The following SLC24A5 variants were observed in gnomAD, a reference collection of about 807,000 sequenced individuals.
The protein encoded by SLC24A5 is sodium/potassium/calcium exchanger 5.
In SLC24A5, 46 loss-of-function variants were observed where a neutral mutation model predicts 51.6. That is an observed-to-expected ratio of 0.89 (90% CI 0.70 to 1.14). The LOEUF (loss-of-function observed/expected upper bound fraction) is 1.14, where lower values mean the gene tolerates loss of function less well. Ranked by LOEUF, SLC24A5 falls within the 50% of genes most tolerant of loss-of-function variation. The pLI is 0.00. For synonymous variants in SLC24A5, 230 were observed against 214.9 expected, an observed-to-expected ratio of 1.07 and a Z score of -0.62; for missense variants, 581 against 604.1, an observed-to-expected ratio of 0.96 and a Z score of 0.40.
intron 2 of SLC24A5, chr15:48,123,382 G>T (rs1287520419): frequency 6.6e-6 from 1 of 151,862 alleles, no homozygotes; most frequent in East Asian, 1.9e-4. Flanking sequence ...GTTACCATTT[G>T]GTATATTTCC....
At position 48,123,282 on chromosome 15, in the gene SLC24A5, G is replaced by T. The variant is rs540515540; in HGVS notation, c.301+1246G>T. On this transcript the variant is annotated intron_variant, in intron 2 of 8. Transcript: ENST00000341459. ...TATAATTGATATTTTCTTTAATAAA[G>T]ATTAAATTATTTAACAGTTTTACTT... 3 of 151,686 alleles carry T rather than the reference G, an allele frequency of 2.0e-5. No individual in the cohort carries two copies. In the South Asian group the frequency reaches 6.3e-4, roughly 32 times the overall value. The allele number at this position is 151,686 out of a possible 1,614,324, so 9.4% of individuals were successfully genotyped here.
In SLC24A5 at chr15:48,127,949, A is replaced by G. The variant is rs975797314; in HGVS notation, c.301+5913A>G. ...ATTGTTTAAAAAGTCACTTTTAAAT[A>G]TAATTTAAATTTAAATAATTTAAAT... On this transcript the variant is annotated intron_variant, in intron 2 of 8. Coordinates refer to ENST00000341459, the MANE Select transcript of SLC24A5 (RefSeq NM_205850.3). 8.6e-5 allele frequency among the ~76,000 whole-genome samples: 13 copies of G among 151,560 alleles called. No individual in the cohort carries two copies. The East Asian group carries it at 2.5e-3, about 29-fold the overall frequency.
intron 5 of SLC24A5, 123 bp from the exon 6 acceptor site, chr15:48,136,550 AAAATATCTAG>A (rs2038904849): frequency 3.5e-6 from 3 of 855,944 alleles, no homozygotes; most frequent in Non-Finnish European, 5.2e-6. Flanking sequence ...TACAAAACAA[AAAATATCTAG>A]AAATGTTTGA....
Position 48,142,291 on chromosome 15 carries a change from A to G in SLC24A5, c.1443A>G (p.Leu481=), listed in dbSNP as rs1567235721. 2 of 1,613,470 alleles carry G rather than the reference A, an allele frequency of 1.2e-6. No individual in the cohort carries two copies. Among genetic ancestry groups the G allele is most frequent in the Admixed American group, 1.7e-5 (1 of 59,996 alleles). ...TATCATACTTGGGGCTTGCTACATT[A>G]TCAGTTCTATATGAACTTGGAATTA... is the stretch of plus-strand genomic sequence containing the variant. ...CLLSYLGLAT[L]SVLYELGIIG... The change falls in exon 9 of 9, where the codon TTA becomes TTG. Residue 481 remains leucine (L), a synonymous_variant. Coordinates refer to ENST00000341459, the MANE Select transcript of SLC24A5 (RefSeq NM_205850.3).
In SLC24A5 at chr15:48,134,864, A is replaced by G. The variant is rs2038857651; in HGVS notation, c.490-20A>G. The G allele has an allele frequency of 3.2e-6, 5 of 1,545,470 alleles. No individual in the cohort carries two copies. The highest frequency in any genetic ancestry group is 1.7e-4 in the Middle Eastern group (1 of 5,918). ...GAAGAAGTTACAATGTAATGGAAATAATAACTTACCATATTACAGGTCTCA... is the reference window on the plus strand; with the variant it reads ...GAAGAAGTTACAATGTAATGGAAATGATAACTTACCATATTACAGGTCTCA... On this transcript the variant is annotated intron_variant, in intron 4 of 8. Coordinates refer to ENST00000341459, the MANE Select transcript of SLC24A5 (RefSeq NM_205850.3).
intron 2 of SLC24A5, among the ~76,000 whole-genome samples, chr15:48,125,431 C>T (rs2038721357): frequency 6.6e-6 from 1 of 152,000 alleles, no homozygotes; most frequent in African/African-American, 2.4e-5. Context: ...CAGAGAAAGT[C>T]CTGATCTCTC....
chr15:48,137,259 G>C lies in SLC24A5; in HGVS notation c.871+296G>C, dbSNP rs530011455. 5.7e-4 allele frequency: 163 copies of C among 285,094 alleles called. 1 individual carries two copies. Among genetic ancestry groups the C allele is most frequent in the African/African-American group, 3.5e-3 (157 of 45,456 alleles). The allele number at this position is 285,094 out of a possible 1,614,324, so 17.7% of individuals were successfully genotyped here. ...ACAGATAGGAGATTTTCACAGAGAA[G>C]GGAGCATTTAAATTGGGCCTTGCTG... is the stretch of plus-strand genomic sequence containing the variant. On this transcript the variant is annotated intron_variant, in intron 6 of 8. Coordinates refer to ENST00000341459, the MANE Select transcript of SLC24A5 (RefSeq NM_205850.3).
At position 48,138,964 on chromosome 15, in the gene SLC24A5, A is replaced by C; in HGVS notation, c.872-5A>C. On this transcript the variant is annotated splice_polypyrimidine_tract_variant and splice_region_variant and intron_variant, in intron 6 of 8. Transcript: ENST00000341459. ...ACTCAAAAGTGTTTACTTTTTCCAC[A>C]ACAGATCCACCAAGTGTTTTCAACA... is the stretch of plus-strand genomic sequence containing the variant. The C allele has an allele frequency of 6.2e-7, 1 of 1,608,236 alleles. No homozygotes were observed. The highest frequency in any genetic ancestry group is 1.1e-5 in the South Asian group (1 of 90,350).
intron 2 of SLC24A5, chr15:48,123,166 T>A (rs973322377): frequency 4.5e-4 from 68 of 150,900 alleles, no homozygotes; most frequent in African/African-American, 1.7e-3. Flanking sequence ...AAATATATAA[T>A]ATATATATAT....
At chr15:48,133,967 ACCTAC>A (rs2038830916) in intron 2 of SLC24A5, among the ~76,000 whole-genome samples, 1 of 151,970 alleles carries the variant, frequency 6.6e-6, no homozygotes, top group African/African-American at 2.4e-5. Flanking sequence ...GTTGCTACTC[ACCTAC>A]AAGCCCTCTG....
intron 7 of SLC24A5, 96 bp downstream of exon 7, chr15:48,139,271 T>C (rs1385694130): frequency 2.0e-6 from 2 of 998,062 alleles, no homozygotes; most frequent in African/African-American, 1.6e-5. Flanking sequence ...ACAGCAAATT[T>C]CTTTTCAGCA....
Position 48,142,139 on chromosome 15 carries a change from G to A in SLC24A5, c.1291G>A (p.Ala431Thr). 6.2e-7 allele frequency: 1 copy of A among 1,613,804 alleles called. No homozygotes were observed. The highest frequency in any genetic ancestry group is 8.5e-7 in the Non-Finnish European group (1 of 1,179,862). ...TGCATTTATAAATGGATCAGCTCCT[G>A]CAGAAGTAAACAGCAGAGGACTAAC... ...KTAFINGSAP[A>T]EVNSRGLTYI... Residue 431 changes from alanine to threonine, a missense_variant, in exon 9 of 9, where the codon GCA (alanine) becomes ACA (threonine). Physicochemically the swap from Ala to Thr is moderately conservative, Grantham distance 58 (BLOSUM62 0). Coordinates refer to ENST00000341459, the MANE Select transcript of SLC24A5 (RefSeq NM_205850.3).
intron 5 of SLC24A5, 141 bp from the exon 6 acceptor site, chr15:48,136,542 C>A: frequency 1.3e-6 from 1 of 789,852 alleles, no homozygotes; most frequent in Non-Finnish European, 1.9e-6. Flanking sequence ...GACAAATCTA[C>A]AAAACAAAAA....
At chr15:48,121,207 GC>G in intron 1 of SLC24A5, 42 bp downstream of exon 1, 1 of 1,557,378 alleles carries the variant, frequency 6.4e-7, no homozygotes, top group African/African-American at 1.4e-5. Context: ...AGCAGCAGCT[GC>G]TGCTGCTGCT....
At chr15:48,131,730 T>C (rs1044367736) in intron 2 of SLC24A5, among the ~76,000 whole-genome samples, 1 of 152,106 alleles carries the variant, frequency 6.6e-6, no homozygotes, top group African/African-American at 2.4e-5. Context: ...CAAAATGCAC[T>C]AGGATACAAT....
intron 2 of SLC24A5, among the ~76,000 whole-genome samples, chr15:48,129,901 A>C (rs916355928): frequency 5.9e-5 from 9 of 152,208 alleles, no homozygotes; most frequent in African/African-American, 2.2e-4. Context: ...AAATAACTTA[A>C]GTCTCCTATC....
In SLC24A5 at chr15:48,121,020, ACGCTG is replaced by A. The variant is rs1477057281; in HGVS notation, c.-23_-19del. ...TCCTCTTCTCCCTTCCTGAAGCTGC[ACGCTG>A]CAGTAAGAGCACAGCAGAAATGCAG... On this transcript the variant is annotated 5_prime_UTR_variant, in exon 1 of 9. Transcript: ENST00000341459. The A allele has an allele frequency of 6.2e-7, 1 of 1,609,792 alleles. No individual in the cohort carries two copies. Among genetic ancestry groups the A allele is most frequent in the Admixed American group, 1.7e-5 (1 of 59,554 alleles).
At chr15:48,139,230 T>C (rs1312361494) in intron 7 of SLC24A5, 55 bp downstream of exon 7, 13 of 1,439,558 alleles carry the variant, frequency 9.0e-6, no homozygotes, top group Non-Finnish European at 1.2e-5. Context: ...AAGAACAAAT[T>C]GCATATGTTC....
Position 48,141,184 on chromosome 15 carries a change from A to C in SLC24A5, c.1150A>C (p.Thr384Pro), listed in dbSNP as rs2039068974. Residue 384 changes from threonine (T) to proline (P), a missense_variant, in exon 8 of 9, where the codon ACA (threonine) becomes CCA (proline). Physicochemically the swap from Thr to Pro is conservative, Grantham distance 38. Transcript: ENST00000341459. ...AGCAGCAGGAACAAGCATACCAGAC[A>C]CAATTGCAAGTGTGTTGGTTGCAAG... ...LLAAGTSIPD[T>P]IASVLVARKG... 1.9e-6 allele frequency: 3 copies of C among 1,613,932 alleles called. No homozygotes were observed. The East Asian group carries it at 6.7e-5, about 36-fold the overall frequency.
Sources: gnomAD v4.1 joint callset for allele counts (sites outside exome capture counted in the v4.1 genomes callset) on GRCh38, gnomAD v4.1.1 for gene constraint, MANE v1.5 for transcripts, NCBI Gene and HGNC (gene_info 2026-07-23, HGNC 2026-07-21) for gene names.